The following LIMCH1 variants were observed in gnomAD, a reference collection of about 807,000 sequenced individuals.
LIMCH1 encodes LIM and calponin homology domains-containing protein 1.
Under a neutral mutation model 176.5 loss-of-function variants are expected in LIMCH1, and 113 were observed. That is an observed-to-expected ratio of 0.64 (90% CI 0.55 to 0.75). LIMCH1 has a LOEUF of 0.75. LIMCH1 is among the 30% of genes least tolerant of loss of function. The probability of loss-of-function intolerance (pLI) is 0.00; values close to 1 mark genes in which losing one functional copy is unlikely to be tolerated. For synonymous variants in LIMCH1, 619 were observed against 645.9 expected (o/e 0.96, Z 0.63); for missense variants, 1,674 against 1,814.9 (o/e 0.92, Z 1.41).
intron 2 of LIMCH1, among the ~76,000 whole-genome samples, chr4:41,602,960 T>G (rs568957053): frequency 7.2e-5 from 11 of 152,140 alleles, no homozygotes; most frequent in Non-Finnish European, 1.5e-4. Context: ...TGTTGATGGG[T>G]TTATTTCCAT....
chr4:41,558,434 A>C (rs1177945228), intron 1 of LIMCH1, among the ~76,000 whole-genome samples: 1 of 152,134 alleles, frequency 6.6e-6, no homozygotes, highest in Admixed American at 6.6e-5. Context: ...TTCCAGTTCA[A>C]AATCTTTGTT....
chr4:41,381,906 G>A (rs150730545), intron 1 of LIMCH1, among the ~76,000 whole-genome samples: 7 of 152,266 alleles, frequency 4.6e-5, no homozygotes, highest in African/African-American at 1.4e-4. Context: ...AGGATGGTTA[G>A]CATCATCCCT....
At chr4:41,677,429 GAAA>G (rs1406314641) in intron 23 of LIMCH1, among the ~76,000 whole-genome samples, 2 of 151,992 alleles carry the variant, frequency 1.3e-5, no homozygotes, top group Non-Finnish European at 2.9e-5. Flanking sequence ...AAAAAGAAAA[GAAA>G]AAGAAATGTT....
At chr4:41,662,045 T>A (rs1211272309) in intron 19 of LIMCH1, 1 of 199,104 alleles carries the variant, frequency 5.0e-6, no homozygotes, top group Non-Finnish European at 1.1e-5. Context: ...TGTTTAACAC[T>A]TTTCTTCTTT....
chr4:41,452,118 T>C (rs1048404884), intron 1 of LIMCH1, among the ~76,000 whole-genome samples: 4 of 152,232 alleles, frequency 2.6e-5, no homozygotes, highest in African/African-American at 9.6e-5. Flanking sequence ...CAGTATCATA[T>C]TGAAAGAACT....
At position 41,667,632 on chromosome 4, in the gene LIMCH1, A is replaced by G. The variant is rs543698334; in HGVS notation, c.3397+966A>G. On this transcript the variant is annotated intron_variant, in intron 21 of 31. Transcript: ENST00000503057. ...CCCAAGTACTGTGTAGACCATATAT[A>G]GGGTTGTGAATTCACCCCTTTACTC... 2.6e-5 allele frequency among the ~76,000 whole-genome samples: 4 copies of G among 152,278 alleles called. No homozygotes were observed. In the South Asian group the frequency reaches 8.3e-4, roughly 32 times the overall value.
rs561608343 is a variant in LIMCH1, at chr4:41,600,999, C to T, written c.-134+1973C>T. Among the ~76,000 whole-genome samples, 7 of 152,156 alleles carry T rather than the reference C, an allele frequency of 4.6e-5. No individual in the cohort carries two copies. The South Asian group carries it at 1.5e-3, about 32-fold the overall frequency. ...TTTAATCCCGTCTTTCCATCTATCT[C>T]TCCTTTTGTATTTCTTCTCCTCATT... is the stretch of plus-strand genomic sequence containing the variant. On this transcript the variant is annotated intron_variant, in intron 2 of 31. Coordinates refer to ENST00000503057, the MANE Select transcript of LIMCH1 (RefSeq NM_001330672.2).
chr4:41,491,469 C>T lies in LIMCH1; in HGVS notation c.97-3067C>T, dbSNP rs377567992. ...CTCACTTCCTAGATGGGGTGGCGAC[C>T]GGGCAGAGGCGCTCCTCACTTCCCA... On this transcript the variant is annotated intron_variant, in intron 1 of 26. Coordinates refer to the LIMCH1 transcript ENST00000313860. 7.0e-3 allele frequency among the ~76,000 whole-genome samples: 988 copies of T among 142,002 alleles called. 4 individuals are homozygous for T. The highest frequency in any genetic ancestry group is 0.018 in the African/African-American group (676 of 37,826). 93.2% of individuals were successfully genotyped at this position (142,002 alleles called of 152,430 possible).
rs562784156 is a variant in LIMCH1, at chr4:41,598,449, A to G, written c.-240-471A>G. Reference sequence around the variant, plus strand: ...AGGTATTACTAGTCAAAATCCCTAAAGGATGTAAAATACATCTAAAGAATA... The same window carrying G: ...AGGTATTACTAGTCAAAATCCCTAAGGGATGTAAAATACATCTAAAGAATA... On this transcript the variant is annotated intron_variant, in intron 1 of 31. Transcript: ENST00000503057. 2.6e-5 allele frequency among the ~76,000 whole-genome samples: 4 copies of G among 152,270 alleles called. No individual in the cohort carries two copies. In the South Asian group the frequency reaches 6.2e-4, roughly 24 times the overall value.
At chr4:41,671,350 A>G (rs557825745) in intron 21 of LIMCH1, among the ~76,000 whole-genome samples, 2 of 151,106 alleles carry the variant, frequency 1.3e-5, no homozygotes, top group Admixed American at 6.6e-5. Flanking sequence ...AACCTGCTAC[A>G]GGGGTTGTCT....
intron 3 of LIMCH1, among the ~76,000 whole-genome samples, chr4:41,532,682 T>A (rs1468708599): frequency 3.3e-5 from 5 of 152,196 alleles, no homozygotes; most frequent in Non-Finnish European, 7.3e-5. Context: ...TGTGCTTGGA[T>A]CAGACCAATA....
At chr4:41,433,764 A>G (rs1411112217) in intron 1 of LIMCH1, among the ~76,000 whole-genome samples, 2 of 151,766 alleles carry the variant, frequency 1.3e-5, no homozygotes, top group Non-Finnish European at 2.9e-5. Flanking sequence ...TACTTCCACC[A>G]TATCCTGTTG....
At chr4:41,581,031 G>T (rs1162895816) in intron 1 of LIMCH1, among the ~76,000 whole-genome samples, 1 of 152,126 alleles carries the variant, frequency 6.6e-6, no homozygotes, top group East Asian at 1.9e-4. Context: ...CATTCAAAAG[G>T]ATTCCAGAGC....
chr4:41,361,053 C>T, intron 1 of LIMCH1: 1 of 604,884 alleles, frequency 1.7e-6, no homozygotes, highest in East Asian at 3.4e-5. Flanking sequence ...TTTCTTTTGC[C>T]AGCTGCTCCA....
chr4:41,464,734 T>C (rs1359857753), intron 1 of LIMCH1, among the ~76,000 whole-genome samples: 4 of 152,210 alleles, frequency 2.6e-5, no homozygotes, highest in Non-Finnish European at 5.9e-5. Context: ...TTGTCTGTTT[T>C]TTTCTGTCTG....
chr4:41,656,410 A>C (rs529387095), intron 18 of LIMCH1, among the ~76,000 whole-genome samples: 1 of 152,242 alleles, frequency 6.6e-6, no homozygotes, highest in African/African-American at 2.4e-5. Context: ...AAAAGTCATT[A>C]AAGATATTTA....
intron 30 of LIMCH1, among the ~76,000 whole-genome samples, chr4:41,689,918 G>A (rs1451574908): frequency 6.6e-6 from 1 of 152,190 alleles, no homozygotes; most frequent in East Asian, 1.9e-4. Flanking sequence ...GGATGCTGGG[G>A]AGGATGATGC....
intron 21 of LIMCH1, among the ~76,000 whole-genome samples, chr4:41,669,693 C>T (rs958137403): frequency 1.3e-5 from 2 of 152,180 alleles, no homozygotes; most frequent in Admixed American, 1.3e-4. Flanking sequence ...TATAAAGTCT[C>T]CATCTTTCAA....
chr4:41,611,332 A>G (rs2091388195), intron 4 of LIMCH1, among the ~76,000 whole-genome samples: 1 of 152,244 alleles, frequency 6.6e-6, no homozygotes, highest in Non-Finnish European at 1.5e-5. Flanking sequence ...TTACACAACA[A>G]TGAAATCACC....
Sources: allele counts gnomAD v4.1 joint callset (sites outside exome capture counted in the v4.1 genomes callset), GRCh38; gene constraint gnomAD v4.1.1; transcripts MANE v1.5; gene names NCBI Gene and HGNC (gene_info 2026-07-23, HGNC 2026-07-21).